TMPRSS7: variants seen among roughly 807,000 people sequenced by gnomAD.
TMPRSS7 encodes transmembrane protease serine 7.
A neutral mutation model predicts 95.6 loss-of-function variants in TMPRSS7; 81 were observed. That is an observed-to-expected ratio of 0.85 (90% CI 0.71 to 1.02). The LOEUF (loss-of-function observed/expected upper bound fraction) is 1.02, where lower values mean the gene tolerates loss of function less well. Among genes scored for constraint, TMPRSS7 ranks in the 50% least tolerant of loss-of-function variants. TMPRSS7 has a pLI of 0.00. For synonymous variants in TMPRSS7, 364 were observed against 337.8 expected (o/e 1.08, Z -0.85); for missense variants, 945 against 955.2 (o/e 0.99, Z 0.14).
Position 112,061,896 on chromosome 3 carries a change from G to T in TMPRSS7, c.1420G>T (p.Glu474Ter), listed in dbSNP as rs2073513300. The T allele has an allele frequency of 6.2e-7, 1 of 1,610,510 alleles. No homozygotes were observed. Among genetic ancestry groups the T allele is most frequent in the Admixed American group, 1.7e-5 (1 of 59,662 alleles). ...GCTTTCAGACAAGCCACTTTTGGCA[G>T]AATATGGCAGTTACAACATCAGTCA... Residue 474 changes from glutamate (E) to a stop codon, truncating the protein, a stop_gained, in exon 11 of 18, where the codon GAA (glutamate) becomes TAA (stop). Transcript: ENST00000452346. LOFTEE classifies it high-confidence loss of function.
intron 12 of TMPRSS7, 59 bp downstream of exon 12, chr3:112,063,691 G>A (rs531709439): frequency 1.9e-4 from 247 of 1,319,258 alleles, no homozygotes; most frequent in Middle Eastern, 1.5e-3. Flanking sequence ...TCAGGACCAT[G>A]ATTGCTGCTG....
chr3:112,057,231 G>A, intron 10 of TMPRSS7, 100 bp downstream of exon 10: 1 of 842,810 alleles, frequency 1.2e-6, no homozygotes, highest in Non-Finnish European at 1.9e-6. Context: ...ACCATTTACA[G>A]TTAGGGAAAC....
chr3:112,067,705 A>T (rs2073593801), intron 13 of TMPRSS7, among the ~76,000 whole-genome samples: 1 of 151,960 alleles, frequency 6.6e-6, no homozygotes, highest in Admixed American at 6.5e-5. Flanking sequence ...AATTTGTTTG[A>T]GTTCTTTGTA....
chr3:112,078,635 C>G, intron 16 of TMPRSS7, 107 bp from the exon 17 acceptor site: 1 of 1,410,388 alleles, frequency 7.1e-7, no homozygotes, highest in Non-Finnish European at 9.7e-7. Context: ...AGGGAATTGC[C>G]GCTATGAGGG....
intron 9 of TMPRSS7, among the ~76,000 whole-genome samples, chr3:112,054,962 A>G (rs1054669827): frequency 1.3e-5 from 2 of 151,838 alleles, no homozygotes; most frequent in African/African-American, 4.8e-5. Flanking sequence ...GATGGTCTCG[A>G]TCTCCTGACG....
rs138992804 is a variant in TMPRSS7 at position 112,040,568 on chromosome 3, T to G, written c.299-1352T>G. ...TGGGGAAGTCAAGTCAATGGGCCAT[T>G]AAGACAAACACACACAACCCCAACC... is the stretch of plus-strand genomic sequence containing the variant. On this transcript the variant is annotated intron_variant, in intron 2 of 17. Coordinates refer to ENST00000452346, the Ensembl canonical transcript of TMPRSS7. Among the ~76,000 whole-genome samples, 393 of 152,254 alleles carry G rather than the reference T, an allele frequency of 2.6e-3. 7 individuals are homozygous for G. The South Asian group carries it at 0.04, about 16-fold the overall frequency.
chr3:112,073,510 T>C (rs2073676917), intron 13 of TMPRSS7, among the ~76,000 whole-genome samples: 1 of 152,208 alleles, frequency 6.6e-6, no homozygotes, highest in Non-Finnish European at 1.5e-5. Flanking sequence ...CATTTTTTCA[T>C]GTGTCTGTTG....
chr3:112,079,679 C>G (rs1192703488), intron 17 of TMPRSS7, among the ~76,000 whole-genome samples: 2 of 152,136 alleles, frequency 1.3e-5, no homozygotes, highest in Non-Finnish European at 2.9e-5. Context: ...GGGAGCTGTT[C>G]TTTCATCTTT....
chr3:112,047,627 A>G, intron 6 of TMPRSS7, 112 bp from the exon 7 acceptor site: 1 of 804,620 alleles, frequency 1.2e-6, no homozygotes, highest in Non-Finnish European at 2.0e-6. Flanking sequence ...GGCTGGCCAT[A>G]TGTCCTTCAC....
intron 12 of TMPRSS7, among the ~76,000 whole-genome samples, chr3:112,064,219 A>G (rs2073547580): frequency 6.6e-6 from 1 of 152,226 alleles, no homozygotes; most frequent in South Asian, 2.1e-4. Flanking sequence ...TCCTGTTTGA[A>G]GGCACAGATT....
At chr3:112,074,260 C>A in intron 13 of TMPRSS7, 36 bp from the exon 14 acceptor site, 1 of 1,472,720 alleles carries the variant, frequency 6.8e-7, no homozygotes, top group South Asian at 1.1e-5. Context: ...TTGTTTCTGG[C>A]TAAGGAAAGC....
At chr3:112,070,521 G>A (rs1381484189) in intron 13 of TMPRSS7, among the ~76,000 whole-genome samples, 2 of 152,146 alleles carry the variant, frequency 1.3e-5, no homozygotes, top group African/African-American at 4.8e-5. Context: ...CCTGTATTGG[G>A]TGCATATATA....
intron 8 of TMPRSS7, 58 bp downstream of exon 8, chr3:112,050,032 A>G: frequency 1.4e-6 from 2 of 1,457,314 alleles, no homozygotes; most frequent in Non-Finnish European, 1.8e-6. Context: ...ATGATAGGCT[A>G]TTCTTATCTT....
chr3:112,064,829 T>C (rs1284641348), intron 12 of TMPRSS7, among the ~76,000 whole-genome samples: 1 of 152,178 alleles, frequency 6.6e-6, no homozygotes, highest in Non-Finnish European at 1.5e-5. Flanking sequence ...AATCTATCTC[T>C]AGTTTCAGGG....
chr3:112,038,394 A>T (rs557767899), intron 2 of TMPRSS7, 73 bp downstream of exon 2: 1 of 647,170 alleles, frequency 1.5e-6, no homozygotes, highest in Non-Finnish European at 2.8e-6. Context: ...TGCAGCCCTA[A>T]TCTGCCATAG....
chr3:112,052,505 A>G (rs11928025), intron 9 of TMPRSS7, among the ~76,000 whole-genome samples: 85,156 of 151,976 alleles, frequency 0.56, 26,220 homozygotes, highest in East Asian at 0.86. Context: ...ATATTTCCAA[A>G]GTAATTAAGA....
In TMPRSS7 at chr3:112,034,871, C is replaced by G. The variant is rs2073140574; in HGVS notation, c.26C>G (p.Ser9Ter). 1 of 702,828 alleles carries G rather than the reference C, an allele frequency of 1.4e-6. No homozygotes were observed. Among genetic ancestry groups the G allele is most frequent in the Admixed American group, 2.0e-5 (1 of 49,996 alleles). The allele number at this position is 702,828 out of a possible 1,614,324, so 43.5% of individuals were successfully genotyped here. A position where few individuals can be genotyped will look rare whatever the true frequency, so the allele number is the denominator to read the frequency against. The stretch of plus-strand genomic sequence containing the variant: ...ATGGACAAAGAAAACAGCGATGTTT[C>G]AGCCGCACCTGCTGACCTGAAAGTA... Residue 9 changes from serine to a stop codon, truncating the protein, a stop_gained, in exon 1 of 18, where the codon TCA becomes TGA. Transcript: ENST00000452346. LOFTEE classifies it high-confidence loss of function.
At chr3:112,039,225 T>A (rs758027256) in intron 2 of TMPRSS7, among the ~76,000 whole-genome samples, 3 of 152,224 alleles carry the variant, frequency 2.0e-5, no homozygotes, top group Non-Finnish European at 4.4e-5. Context: ...CTATACATGT[T>A]AATGTATTTG....
At chr3:112,058,997 G>C (rs1409526990) in intron 10 of TMPRSS7, among the ~76,000 whole-genome samples, 1 of 152,190 alleles carries the variant, frequency 6.6e-6, no homozygotes, top group East Asian at 1.9e-4. Context: ...GTGCTAACTA[G>C]ACACCTTGCT....
Sources: allele counts gnomAD v4.1 joint callset (sites outside exome capture counted in the v4.1 genomes callset), GRCh38; gene constraint gnomAD v4.1.1; transcripts MANE v1.5; gene names NCBI Gene and HGNC (gene_info 2026-07-23, HGNC 2026-07-21).